Variants in TLE2 observed in about 807,000 individuals in gnomAD.
TLE2 encodes the protein TLE family member 2, transcriptional corepressor.
In TLE2, 74 loss-of-function variants were observed where a neutral mutation model predicts 97.2. The observed-to-expected ratio is 0.76, with a 90% confidence interval of 0.63 to 0.92. The LOEUF (loss-of-function observed/expected upper bound fraction) is 0.92, where lower values mean the gene tolerates loss of function less well. Among genes scored for constraint, TLE2 ranks in the 40% least tolerant of loss-of-function variants. The probability of loss-of-function intolerance (pLI) is 0.00; values close to 1 mark genes in which losing one functional copy is unlikely to be tolerated. For missense variants in TLE2, 1,038 were observed against 1,008.7 expected, an observed-to-expected ratio of 1.03 and a Z score of -0.39; for synonymous variants, 499 against 432.1, an observed-to-expected ratio of 1.15 and a Z score of -1.92.
In TLE2 at chr19:3,005,870, C is replaced by T. The variant is rs1454593478; in HGVS notation, c.1599G>A (p.Ala533=). Residue 533 remains alanine (A), a synonymous_variant, in exon 16 of 20, where the codon GCG becomes GCA. Coordinates refer to ENST00000262953, the MANE Select transcript of TLE2 (RefSeq NM_003260.5). ...CGGCCTTGATACGGGGGGTGGGCGC[C>T]GCCAGGTCCCAAATGGACAAGGTGC... is the stretch of plus-strand genomic sequence containing the variant. ...EASTLSIWDL[A]APTPRIKAEL... is the part of the protein sequence containing the mutation. 9 of 1,613,774 alleles carry T rather than the reference C, an allele frequency of 5.6e-6. No homozygotes were observed. The Middle Eastern group carries it at 9.9e-4, about 177-fold the overall frequency.
rs2089481926 is a variant in TLE2 at position 3,006,508 on chromosome 19, T to A, written c.1412A>T (p.His471Leu). 2 of 1,609,060 alleles carry A rather than the reference T, an allele frequency of 1.2e-6. No homozygotes were observed. The highest frequency in any genetic ancestry group is 1.7e-5 in the Admixed American group (1 of 59,596). Residue 471 changes from histidine to leucine, a missense_variant, in exon 15 of 20, where the codon CAT becomes CTT. Coordinates refer to ENST00000262953, the MANE Select transcript of TLE2 (RefSeq NM_003260.5). ...ACAGCCCTTGCCGCCCGTGTACACA[T>A]GCTGTGTGGAGCCGCTGATGGTGAC... ...CAVTISGSTQ[H>L]VYTGGKGCVK...
At chr19:3,043,019 T>C (rs2090116129) in intron 1 of TLE2, among the ~76,000 whole-genome samples, 2 of 152,166 alleles carry the variant, frequency 1.3e-5, no homozygotes, top group African/African-American at 2.4e-5. Flanking sequence ...GGGGTCTCAC[T>C]GTGTGGCCCA....
intron 9 of TLE2, 104 bp downstream of exon 9, chr19:3,015,549 G>C (rs1599220588): frequency 1.1e-6 from 1 of 873,714 alleles, no homozygotes; most frequent in East Asian, 2.7e-5. Context: ...GGAGGCTCCG[G>C]AGTGAGAGAA....
chr19:3,013,630 T>C, intron 11 of TLE2, 39 bp downstream of exon 11: 1 of 1,339,920 alleles, frequency 7.5e-7, no homozygotes, highest in Non-Finnish European at 9.6e-7. Flanking sequence ...GCCCCCGGGA[T>C]GAATAAAGTG....
chr19:3,029,558 CGGGG>C, upstream of TLE2: 7 of 225,066 alleles, frequency 3.1e-5, no homozygotes, highest in Non-Finnish European at 3.7e-5. Flanking sequence ...ACCGTGGGAG[CGGGG>C]GGGGGGGCTT....
chr19:3,000,824 CT>C (rs4061734), intron 18 of TLE2, 101 bp from the exon 19 acceptor site: 29,615 of 496,338 alleles, frequency 0.06, 1 homozygote, highest in South Asian at 0.088. Flanking sequence ...TGGCCTCTCC[CT>C]TTTTTTTTTT....
At chr19:3,017,503 T>G (rs1469082248) in intron 8 of TLE2, among the ~76,000 whole-genome samples, 1 of 143,834 alleles carries the variant, frequency 7.0e-6, no homozygotes, top group Non-Finnish European at 1.5e-5. Flanking sequence ...CAGGTTGGAG[T>G]GCAGTGGCAC....
At chr19:3,010,913 A>G (rs1203210360) in intron 12 of TLE2, 109 bp downstream of exon 12, 5 of 1,432,406 alleles carry the variant, frequency 3.5e-6, no homozygotes, top group South Asian at 1.4e-5. Flanking sequence ...GACCAAGGCA[A>G]TGAACACCAA....
chr19:3,006,777 TTTTTA>T (rs2089489657), intron 14 of TLE2, 108 bp from the exon 15 acceptor site: 1 of 1,437,164 alleles, frequency 7.0e-7, no homozygotes. Context: ...TCTGATGTGT[TTTTTA>T]TTTTTTGTTT....
intron 5 of TLE2, chr19:3,020,102 G>C (rs2089806340): frequency 9.8e-6 from 3 of 306,604 alleles, no homozygotes; most frequent in Non-Finnish European, 6.2e-6. Flanking sequence ...GGCCAACATG[G>C]TGAAACACCT....
At chr19:3,012,723 T>A (rs1219666392) in intron 11 of TLE2, among the ~76,000 whole-genome samples, 1 of 152,136 alleles carries the variant, frequency 6.6e-6, no homozygotes, top group Admixed American at 6.6e-5. Context: ...TGGACCTCCA[T>A]CTAGGGGCAG....
At chr19:3,010,918 C>A in intron 12 of TLE2, 104 bp downstream of exon 12, 1 of 1,452,732 alleles carries the variant, frequency 6.9e-7, no homozygotes, top group East Asian at 2.6e-5. Flanking sequence ...AGGCAATGAA[C>A]ACCAAGCCTG....
rs1180800994 is a variant in TLE2 at position 2,997,947 on chromosome 19, C to A, written c.2133G>T (p.Glu711Asp). 1 of 1,611,088 alleles carries A rather than the reference C, an allele frequency of 6.2e-7. No individual in the cohort carries two copies. The highest frequency in any genetic ancestry group is 8.5e-7 in the Non-Finnish European group (1 of 1,178,374). The change falls in exon 20 of 20, where the codon GAG becomes GAT. Residue 711 changes from glutamate (E) to aspartate (D), a missense_variant. Transcript: ENST00000262953. ...PYGASIFQSK[E>D]SSSVLSCDIS... ...TGTCACAACTCAGGACTGAGGACGA[C>A]TCCTTGGACTGCCAAGGGAAGGGAG...
In TLE2 at chr19:3,001,791, CTTTTTTTTT is replaced by C. The variant is rs562875053; in HGVS notation, c.2047+553_2047+561del. ...TGCCTGGCTTAAATTTCTTTTCTTT[CTTTTTTTTT>C]TTTTTTTTTTTTTTAAGATAGAATC... On this transcript the variant is annotated intron_variant, in intron 18 of 19. Transcript: ENST00000262953. Among the ~76,000 whole-genome samples, 692 of 111,430 alleles carry C rather than the reference CTTTTTTTTT, an allele frequency of 6.2e-3. 13 individuals carry two copies. Among genetic ancestry groups the C allele is most frequent in the African/African-American group, 0.022 (624 of 28,010 alleles). 73.1% of individuals were successfully genotyped at this position (111,430 alleles called of 152,430 possible). A position where few individuals can be genotyped will look rare whatever the true frequency, so the allele number is the denominator to read the frequency against.
rs1294535605 is a variant in TLE2, at chr19:3,034,591, A to AT, written c.64-5789dup. ...CTCCTTTTATGCCTGGAGAAAGTCC[A>AT]TTTTTTTCAAGGCCCAACCCAAAAA... On this transcript the variant is annotated intron_variant, in intron 1 of 18. Coordinates refer to the TLE2 transcript ENST00000426948. Among the ~76,000 whole-genome samples, 7 of 149,916 alleles carry AT rather than the reference A, an allele frequency of 4.7e-5. No homozygotes were observed. The South Asian group carries it at 1.1e-3, about 23-fold the overall frequency.
chr19:3,025,621 A>C (rs2089929950), intron 4 of TLE2: 5 of 985,478 alleles, frequency 5.1e-6, no homozygotes, highest in South Asian at 4.7e-5. Flanking sequence ...TCATCTGGAG[A>C]GGGTCTGGGC....
intron 1 of TLE2, among the ~76,000 whole-genome samples, chr19:3,037,864 G>A (rs1393989523): frequency 2.6e-5 from 4 of 152,190 alleles, no homozygotes; most frequent in Admixed American, 6.5e-5. Context: ...GCTCACACCT[G>A]TGATCCCAGC....
At chr19:3,009,158 C>T (rs1174353085) in intron 13 of TLE2, among the ~76,000 whole-genome samples, 1 of 152,190 alleles carries the variant, frequency 6.6e-6, no homozygotes, top group African/African-American at 2.4e-5. Context: ...AATCCTAGAA[C>T]TCCACGGTTC....
Position 3,004,358 on chromosome 19 carries a change from G to A in TLE2, c.1896+1079C>T, listed in dbSNP as rs375143205. Among the ~76,000 whole-genome samples, 5 of 152,050 alleles carry A rather than the reference G, an allele frequency of 3.3e-5. No individual in the cohort carries two copies. The South Asian group carries it at 8.3e-4, about 25-fold the overall frequency. On this transcript the variant is annotated intron_variant, in intron 17 of 19. Transcript: ENST00000262953. ...CAGGTTGGACATAAAGAGCTTGGGA[G>A]GGCAAGCGCGGTGGCTCAGGCCTGT...
Sources: allele counts gnomAD v4.1 joint callset (sites outside exome capture counted in the v4.1 genomes callset), GRCh38; gene constraint gnomAD v4.1.1; transcripts MANE v1.5; gene names NCBI Gene and HGNC (gene_info 2026-07-23, HGNC 2026-07-21).